RAI1: variants seen among roughly 807,000 people sequenced by gnomAD.
The protein encoded by RAI1 is retinoic acid induced 1.
In RAI1, 9 loss-of-function variants were observed where a neutral mutation model predicts 123.8. That is an observed-to-expected ratio of 0.07 (90% confidence interval 0.04 to 0.13). The LOEUF (loss-of-function observed/expected upper bound fraction) is 0.13, where lower values mean the gene tolerates loss of function less well. Among genes scored for constraint, RAI1 ranks in the 10% least tolerant of loss-of-function variants. RAI1 has a pLI of 1.00. For synonymous variants in RAI1, 1,231 were observed against 1,127.3 expected (o/e 1.09, Z -1.84); for missense variants, 2,256 against 2,545.8 (o/e 0.89, Z 2.45).
At chr17:17,690,872 C>A (rs890028313) in intron 1 of RAI1, among the ~76,000 whole-genome samples, 5 of 152,046 alleles carry the variant, frequency 3.3e-5, no homozygotes, top group Admixed American at 3.3e-4. Flanking sequence ...TTGGGGTGGG[C>A]AGGGATGGGG....
intron 1 of RAI1, among the ~76,000 whole-genome samples, chr17:17,695,262 C>T (rs1914982954): frequency 6.6e-6 from 1 of 152,198 alleles, no homozygotes; most frequent in African/African-American, 2.4e-5. Flanking sequence ...CGGGACTGCA[C>T]ACCTCACCCG....
rs1567919927 is a variant in RAI1 at position 17,795,089 on chromosome 17, T to C, written c.2141T>C (p.Leu714Pro). 3.7e-6 allele frequency: 6 copies of C among 1,614,052 alleles called. No individual in the cohort carries two copies. Among genetic ancestry groups the C allele is most frequent in the Non-Finnish European group, 5.1e-6 (6 of 1,180,008 alleles). The change falls in exon 3 of 6, where the codon CTT (leucine) becomes CCT (proline). Residue 714 changes from leucine to proline, a missense_variant. Physicochemically the swap from Leu to Pro is moderately conservative, Grantham distance 98 (BLOSUM62 -3). This residue lies in a region of RAI1 where 566 missense variants were observed against 616.0 expected (regional missense o/e 0.92). Transcript: ENST00000353383. The surrounding 1 kb of genome is among the most constrained non-coding windows in gnomAD (Gnocchi z 5.9). ...CTCTCCTTTGGTACCAAGCCCACCC[T>C]TGGGGTTCCTGCTCCAGACCCCACT... The part of the protein sequence containing the change: ...GPLSFGTKPT[L>P]GVPAPDPTTA...
chr17:17,741,089 GCGCACACACA>G (rs1050961371), intron 2 of RAI1, among the ~76,000 whole-genome samples: 1 of 149,460 alleles, frequency 6.7e-6, no homozygotes, highest in African/African-American at 2.5e-5. Context: ...ACAAGCGCGC[GCGCACACACA>G]CACACACACA....
At position 17,795,575 on chromosome 17, in the gene RAI1, A is replaced by G. The variant is rs755872893; in HGVS notation, c.2627A>G (p.Glu876Gly). ...GAGGAGGAGTACTCCTCCCTATGTG[A>G]GCTCCTGGGCAGCCCCGAGCAGAGG... ...EAEEEYSSLCELLGSPEQRPG... is the reference protein window; with the variant it reads ...EAEEEYSSLCGLLGSPEQRPG... The change falls in exon 3 of 6, where the codon GAG (glutamate) becomes GGG (glycine). Residue 876 changes from glutamate to glycine, a missense_variant. Glu to Gly is a moderately conservative substitution (Grantham distance 98, BLOSUM62 -2). This residue lies in a region of RAI1 where 566 missense variants were observed against 616.0 expected (regional missense o/e 0.92). Coordinates refer to ENST00000353383, the MANE Select transcript of RAI1 (RefSeq NM_030665.4). The surrounding 1 kb of genome is among the most constrained non-coding windows in gnomAD (Gnocchi z 5.9). 3.1e-6 allele frequency: 5 copies of G among 1,611,414 alleles called. No homozygotes were observed. The South Asian group carries it at 5.5e-5, about 18-fold the overall frequency.
intron 1 of RAI1, among the ~76,000 whole-genome samples, chr17:17,720,710 GT>G (rs1278491492): frequency 6.6e-6 from 1 of 152,196 alleles, no homozygotes; most frequent in Non-Finnish European, 1.5e-5. Flanking sequence ...GTCTTGGCAA[GT>G]TCTTTGCAGG....
chr17:17,792,867 CCCCCTCCCTGCCCATCCT>C, intron 2 of RAI1, 48 bp from the exon 3 acceptor site: 2 of 1,116,284 alleles, frequency 1.8e-6, no homozygotes, highest in South Asian at 2.7e-5. Flanking sequence ...TCATCCTCTG[CCCCCTCCCTGCCCATCCT>C]CCCCTCCCTC....
chr17:17,787,553 G>GCCTGCAGCTGCTGTGGAATC (rs1258840642), intron 2 of RAI1, among the ~76,000 whole-genome samples: 1 of 152,242 alleles, frequency 6.6e-6, no homozygotes, highest in African/African-American at 2.4e-5. Context: ...GCCTAGGAAT[G>GCCTGCAGCTGCTGTGGAATC]CCTGCAGCTG....
At chr17:17,694,934 G>A (rs925079845) in intron 1 of RAI1, among the ~76,000 whole-genome samples, 2 of 152,034 alleles carry the variant, frequency 1.3e-5, no homozygotes, top group Non-Finnish European at 2.9e-5. Context: ...GCGGGTTACC[G>A]GGCCAGGCGG....
At chr17:17,774,869 G>C (rs1208311483) in intron 2 of RAI1, among the ~76,000 whole-genome samples, 4 of 152,166 alleles carry the variant, frequency 2.6e-5, no homozygotes, top group African/African-American at 9.7e-5. Context: ...TGCAGATGAG[G>C]AAACTGAGGC....
chr17:17,732,718 GGTCA>G (rs1433200563), intron 2 of RAI1, among the ~76,000 whole-genome samples: 1 of 152,194 alleles, frequency 6.6e-6, no homozygotes, highest in African/African-American at 2.4e-5. Context: ...GCTGCCTGGC[GGTCA>G]GCCTTCTCCT....
chr17:17,699,405 A>C (rs1915140488), intron 1 of RAI1, among the ~76,000 whole-genome samples: 1 of 152,224 alleles, frequency 6.6e-6, no homozygotes. Flanking sequence ...GAAAGCCTGG[A>C]AAACATTAAA....
chr17:17,718,900 C>G (rs1274297114), intron 1 of RAI1, among the ~76,000 whole-genome samples: 1 of 152,072 alleles, frequency 6.6e-6, no homozygotes, highest in Non-Finnish European at 1.5e-5. Context: ...TGAGGAGGGG[C>G]AGGGTTCCTT....
intron 1 of RAI1, among the ~76,000 whole-genome samples, chr17:17,688,227 A>G (rs145981105): frequency 9.0e-4 from 134 of 149,460 alleles, no homozygotes; most frequent in Non-Finnish European, 1.5e-3. Flanking sequence ...GCTTACGTCT[A>G]TAATCCCAGC....
At chr17:17,745,579 G>A (rs536748568) in intron 2 of RAI1, among the ~76,000 whole-genome samples, 9 of 152,058 alleles carry the variant, frequency 5.9e-5, no homozygotes, top group African/African-American at 2.2e-4. Flanking sequence ...GTATTTTTTG[G>A]TAAAGACAGG....
rs1431361228 is a variant in RAI1, at chr17:17,755,675, A to G, written c.-17+31516A>G. Among the ~76,000 whole-genome samples, 4 of 151,982 alleles carry G rather than the reference A, an allele frequency of 2.6e-5. No individual in the cohort carries two copies. The East Asian group carries it at 5.8e-4, about 22-fold the overall frequency. On this transcript the variant is annotated intron_variant, in intron 2 of 5. Coordinates refer to ENST00000353383, the MANE Select transcript of RAI1 (RefSeq NM_030665.4). Reference sequence around the variant, plus strand: ...CCCCAGATCCTTCCCTGCTTATCCTATCCTGGGCCCAGCCATGCTTTCTCC... The same window carrying G: ...CCCCAGATCCTTCCCTGCTTATCCTGTCCTGGGCCCAGCCATGCTTTCTCC...
In RAI1 at chr17:17,723,414, G is replaced by C. The variant is rs564675801; in HGVS notation, c.-148-614G>C. Among the ~76,000 whole-genome samples, 3 of 149,570 alleles carry C rather than the reference G, an allele frequency of 2.0e-5. No individual in the cohort carries two copies. The South Asian group carries it at 6.3e-4, about 32-fold the overall frequency. On this transcript the variant is annotated intron_variant, in intron 1 of 5. Transcript: ENST00000353383. The stretch of plus-strand genomic sequence containing the variant: ...ATACAGCCACATTGATACACACACG[G>C]ACCTAAACGCACAGCCAAGACCTCA...
intron 2 of RAI1, among the ~76,000 whole-genome samples, chr17:17,789,521 G>T (rs1443428172): frequency 6.6e-6 from 1 of 152,214 alleles, no homozygotes; most frequent in Non-Finnish European, 1.5e-5. Flanking sequence ...GGGTTTCGTT[G>T]TGCCCCCACT....
Position 17,796,305 on chromosome 17 carries a change from C to T in RAI1, c.3357C>T (p.Ser1119=), listed in dbSNP as rs139448147. 1,866 of 1,608,746 alleles carry T rather than the reference C, an allele frequency of 1.2e-3. No homozygotes were observed. Among genetic ancestry groups the T allele is most frequent in the Non-Finnish European group, 1.5e-3 (1,735 of 1,177,030 alleles). ...PSNPAALPVA[S]DSSPMGSKTK... is the part of the protein sequence containing the mutation. ...ACCCGGCCGCCCTGCCTGTGGCCTC[C>T]GACAGCAGCCCGATGGGCTCCAAGA... The change falls in exon 3 of 6, where the codon TCC becomes TCT. Residue 1119 remains serine (S), a synonymous_variant. Transcript: ENST00000353383. The surrounding 1 kb of genome is among the most constrained non-coding windows in gnomAD (Gnocchi z 5.8).
rs766363196 is a variant in RAI1, at chr17:17,797,227, G to A, written c.4279G>A (p.Glu1427Lys). The change falls in exon 3 of 6, where the codon GAG becomes AAG. Residue 1427 changes from glutamate to lysine, a missense_variant. Around this residue, in one of 7 missense-constraint regions of RAI1, gnomAD observed 410 missense variants for 374.6 expected, o/e 1.09. Transcript: ENST00000353383. ...KLSSTDCFKT[E>K]AFTSPEALQP... ...GTCTTCTACTGACTGTTTCAAAACC[G>A]AGGCCTTCACATCCCCGGAGGCCCT... 2.4e-5 allele frequency: 38 copies of A among 1,613,516 alleles called. No homozygotes were observed. In the Admixed American group the frequency reaches 4.2e-4, roughly 18 times the overall value.
Sources: allele counts gnomAD v4.1 joint callset (sites outside exome capture counted in the v4.1 genomes callset), GRCh38; gene constraint gnomAD v4.1.1; regional missense constraint gnomAD v4.1.1; non-coding constraint Gnocchi (gnomAD v3.1); transcripts MANE v1.5; gene names NCBI Gene and HGNC (gene_info 2026-07-23, HGNC 2026-07-21).